Variants in TNFRSF19 observed in about 807,000 individuals in gnomAD.
TNFRSF19 encodes TNF receptor superfamily member 19, also known as tumor necrosis factor receptor superfamily member 19.
Under a neutral mutation model 46.4 loss-of-function variants are expected in TNFRSF19, and 27 were observed. That is an observed-to-expected ratio of 0.58 (90% confidence interval 0.43 to 0.80). The LOEUF (loss-of-function observed/expected upper bound fraction) is 0.80, where lower values mean the gene tolerates loss of function less well. Among genes scored for constraint, TNFRSF19 ranks in the 30% least tolerant of loss-of-function variants. The probability of loss-of-function intolerance (pLI) is 0.00; values close to 1 mark genes in which losing one functional copy is unlikely to be tolerated. For missense variants in TNFRSF19, 511 were observed against 530.8 expected (o/e 0.96, Z 0.37); for synonymous variants, 204 against 205.0 (o/e 1.00, Z 0.04).
At chr13:23,620,782 C>T (rs983377662) in intron 4 of TNFRSF19, among the ~76,000 whole-genome samples, 5 of 152,190 alleles carry the variant, frequency 3.3e-5, no homozygotes, top group Non-Finnish European at 5.9e-5. Context: ...TTCCTGAGTC[C>T]TTCCTGGCTC....
Position 23,673,617 on chromosome 13 carries a change from T to TC in TNFRSF19, c.*238dup. ...CCAGGCCGACTCATGATACTCTGCATCTTTCCTACATGAGAAGCTTCTCTG... is the reference window on the plus strand; with the variant it reads ...CCAGGCCGACTCATGATACTCTGCATCCTTTCCTACATGAGAAGCTTCTCTG... On this transcript the variant is annotated 3_prime_UTR_variant, in exon 10 of 10. Transcript: ENST00000248484. 2 of 1,179,228 alleles carry TC rather than the reference T, an allele frequency of 1.7e-6. No individual in the cohort carries two copies. The highest frequency in any genetic ancestry group is 2.1e-6 in the Non-Finnish European group (2 of 941,022). The allele number at this position is 1,179,228 out of a possible 1,614,324, so 73.0% of individuals were successfully genotyped here.
intron 7 of TNFRSF19, among the ~76,000 whole-genome samples, chr13:23,667,120 G>GATATAT (rs746299138): frequency 0.13 from 11,704 of 87,320 alleles, 539 homozygotes; most frequent in East Asian, 0.22. Flanking sequence ...AAATCAGAGT[G>GATATAT]ATATATATAT....
intron 4 of TNFRSF19, among the ~76,000 whole-genome samples, chr13:23,622,858 C>G (rs1362382021): frequency 6.6e-6 from 1 of 152,122 alleles, no homozygotes; most frequent in Non-Finnish European, 1.5e-5. Flanking sequence ...AAGTATTAGT[C>G]TGGATGTGTT....
chr13:23,631,407 CT>C (rs982416478), intron 5 of TNFRSF19, among the ~76,000 whole-genome samples: 1 of 152,156 alleles, frequency 6.6e-6, no homozygotes, highest in African/African-American at 2.4e-5. Flanking sequence ...TTCGGATATA[CT>C]TTTTTTCATA....
intron 5 of TNFRSF19, among the ~76,000 whole-genome samples, chr13:23,642,734 A>G (rs1338399673): frequency 6.6e-6 from 1 of 152,208 alleles, no homozygotes; most frequent in Non-Finnish European, 1.5e-5. Flanking sequence ...TTAAACTATG[A>G]TCCCTCAGAA....
intron 3 of TNFRSF19, among the ~76,000 whole-genome samples, chr13:23,594,834 A>G (rs976688979): frequency 2.6e-5 from 4 of 152,222 alleles, no homozygotes; most frequent in Non-Finnish European, 4.4e-5. Context: ...ACCTCCCAGC[A>G]GGGGTCGCCA....
intron 1 of TNFRSF19, among the ~76,000 whole-genome samples, chr13:23,582,454 A>G (rs575848013): frequency 1.6e-3 from 243 of 152,292 alleles, no homozygotes; most frequent in African/African-American, 5.6e-3. Flanking sequence ...AATTACCCCG[A>G]TTTGATCATT....
At chr13:23,636,124 T>C (rs1437922206) in intron 5 of TNFRSF19, among the ~76,000 whole-genome samples, 1 of 152,202 alleles carries the variant, frequency 6.6e-6, no homozygotes, top group African/African-American at 2.4e-5. Flanking sequence ...TGTGTGCATG[T>C]GTGTGTTAAT....
chr13:23,587,291 AT>A (rs2138169282), intron 1 of TNFRSF19, among the ~76,000 whole-genome samples: 1 of 152,290 alleles, frequency 6.6e-6, no homozygotes, highest in Non-Finnish European at 1.5e-5. Flanking sequence ...TGAATGCCAA[AT>A]AATTTCTTAA....
chr13:23,575,998 T>C (rs1273328584), intron 1 of TNFRSF19, among the ~76,000 whole-genome samples: 1 of 152,202 alleles, frequency 6.6e-6, no homozygotes, highest in South Asian at 2.1e-4. Context: ...TCTATCAAGA[T>C]TGTCATAGCA....
intron 5 of TNFRSF19, among the ~76,000 whole-genome samples, chr13:23,654,044 GA>G (rs560902438): frequency 9.2e-5 from 14 of 152,092 alleles, no homozygotes; most frequent in Non-Finnish European, 1.5e-4. Context: ...TAAGAGCTGT[GA>G]AAAAAAGTCT....
At chr13:23,627,222 G>A (rs1053855434) in intron 5 of TNFRSF19, among the ~76,000 whole-genome samples, 1 of 152,132 alleles carries the variant, frequency 6.6e-6, no homozygotes, top group African/African-American at 2.4e-5. Flanking sequence ...GTTCCTCTCT[G>A]TGAGTCACCT....
At position 23,581,103 on chromosome 13, in the gene TNFRSF19, T is replaced by C. The variant is rs1593227640; in HGVS notation, c.-34-9047T>C. Among the ~76,000 whole-genome samples the C allele has an allele frequency of 2.0e-5, 3 of 152,102 alleles. No individual in the cohort carries two copies. The East Asian group carries it at 5.8e-4, about 29-fold the overall frequency. On this transcript the variant is annotated intron_variant, in intron 1 of 9. Coordinates refer to ENST00000248484, the MANE Select transcript of TNFRSF19 (RefSeq NM_148957.4). ...GAGCATTATGCACTGGAAATTGCAATGTCGATGTGCCTTTTCTTTTTTTCT... is the reference window on the plus strand; with the variant it reads ...GAGCATTATGCACTGGAAATTGCAACGTCGATGTGCCTTTTCTTTTTTTCT...
At chr13:23,647,713 G>A (rs1387397961) in intron 5 of TNFRSF19, among the ~76,000 whole-genome samples, 6 of 152,260 alleles carry the variant, frequency 3.9e-5, no homozygotes, top group Non-Finnish European at 2.9e-5. Flanking sequence ...TTTAGTTTCA[G>A]CTCTTGAATT....
chr13:23,606,454 A>C (rs1385907583), intron 3 of TNFRSF19, among the ~76,000 whole-genome samples: 2 of 152,226 alleles, frequency 1.3e-5, no homozygotes, highest in East Asian at 3.8e-4. Flanking sequence ...ACTCAGGTGC[A>C]CAGTTGTATA....
chr13:23,671,967 G>A (rs570383987), intron 9 of TNFRSF19, among the ~76,000 whole-genome samples: 76 of 152,322 alleles, frequency 5.0e-4, no homozygotes, highest in Admixed American at 7.8e-4. Context: ...CAATTAGCTT[G>A]GCTCCATGAT....
chr13:23,576,885 G>C (rs1287473663), intron 1 of TNFRSF19, among the ~76,000 whole-genome samples: 1 of 152,114 alleles, frequency 6.6e-6, no homozygotes, highest in Non-Finnish European at 1.5e-5. Flanking sequence ...TCTCTTTAAA[G>C]AATTAGATGA....
In TNFRSF19 at chr13:23,631,303, G is replaced by A. The variant is rs539735154; in HGVS notation, c.445+4511G>A. Among the ~76,000 whole-genome samples the A allele has an allele frequency of 3.3e-5, 5 of 152,138 alleles. No individual in the cohort carries two copies. The East Asian group carries it at 9.7e-4, about 29-fold the overall frequency. On this transcript the variant is annotated intron_variant, in intron 5 of 9. Transcript: ENST00000248484. The stretch of plus-strand genomic sequence containing the variant: ...CATTACAAAAACAAAGCATTCTAAG[G>A]GTTTTCTTTTCAGTCTTTTTTCTAT...
At chr13:23,667,234 T>G (rs1951654303) in intron 7 of TNFRSF19, among the ~76,000 whole-genome samples, 1 of 152,120 alleles carries the variant, frequency 6.6e-6, no homozygotes, top group African/African-American at 2.4e-5. Context: ...ATTTTTAAAT[T>G]TCTTATCTAA....
Sources: allele counts gnomAD v4.1 joint callset (sites outside exome capture counted in the v4.1 genomes callset), GRCh38; gene constraint gnomAD v4.1.1; transcripts MANE v1.5; gene names NCBI Gene and HGNC (gene_info 2026-07-23, HGNC 2026-07-21).